Variants in JAK1 observed in about 807,000 individuals in gnomAD.
The protein encoded by JAK1 is Janus kinase 1.
JAK1 carries 16 observed loss-of-function variants against 136.6 expected under a neutral mutation model. That is an observed-to-expected ratio of 0.12 (90% confidence interval 0.08 to 0.18). The LOEUF is 0.18. Ranked by LOEUF, JAK1 falls within the 10% of genes least tolerant of loss-of-function variation. The pLI, the probability that JAK1 is intolerant of heterozygous loss-of-function variation, is 1.00. For missense variants in JAK1, 859 were observed against 1,450.1 expected (o/e 0.59, Z 6.62); for synonymous variants, 492 against 519.5 (o/e 0.95, Z 0.72).
chr1:64,847,870 T>A (rs1436044970), intron 12 of JAK1, among the ~76,000 whole-genome samples, 195 bp from the exon 13 acceptor site: 2 of 152,074 alleles, frequency 1.3e-5, no homozygotes, highest in African/African-American at 4.8e-5. Context: ...TGGTGACATT[T>A]GCTGGGCCCC....
At chr1:64,924,586 G>T (rs749542772) in intron 1 of JAK1, among the ~76,000 whole-genome samples, 3 of 152,176 alleles carry the variant, frequency 2.0e-5, no homozygotes, top group Non-Finnish European at 4.4e-5. Flanking sequence ...ATCAACCTTA[G>T]AACTATGTGT....
intron 8 of JAK1, among the ~76,000 whole-genome samples, chr1:64,863,526 T>C (rs1471333718): frequency 7.5e-6 from 1 of 133,250 alleles, no homozygotes; most frequent in African/African-American, 3.2e-5. Context: ...AAAATTAATG[T>C]AAGTTTTTTG....
intron 1 of JAK1, among the ~76,000 whole-genome samples, chr1:65,045,169 G>A (rs1426220043): frequency 6.6e-6 from 1 of 152,200 alleles, no homozygotes; most frequent in African/African-American, 2.4e-5. Context: ...TACAGCTGGG[G>A]AGGAAGAAGG....
intron 1 of JAK1, among the ~76,000 whole-genome samples, chr1:64,898,461 TA>T (rs1645057831): frequency 6.6e-6 from 1 of 152,198 alleles, no homozygotes. Context: ...GGATAACTGA[TA>T]AAATTAAGGC....
intron 1 of JAK1, among the ~76,000 whole-genome samples, chr1:64,953,997 A>G (rs908445857): frequency 5.9e-5 from 9 of 152,140 alleles, no homozygotes; most frequent in Non-Finnish European, 8.8e-5. Context: ...TATATCTAAC[A>G]ATACCAAATA....
chr1:64,853,163 T>C lies in JAK1; in HGVS notation c.1649-2253A>G, dbSNP rs1243799251. The stretch of plus-strand genomic sequence containing the variant: ...GAACCCAACACAATATTCTCATGTC[T>C]AATTTTCACGATTTCCCCACTTCTC... On this transcript the variant is annotated intron_variant, in intron 11 of 24. Coordinates refer to ENST00000342505, the MANE Select transcript of JAK1 (RefSeq NM_002227.4). 3.3e-5 allele frequency among the ~76,000 whole-genome samples: 5 copies of C among 152,354 alleles called. No homozygotes were observed. The East Asian group carries it at 9.6e-4, about 29-fold the overall frequency.
At chr1:65,037,910 C>CTA (rs1160084402) in intron 2 of JAK1, among the ~76,000 whole-genome samples, 4 of 152,110 alleles carry the variant, frequency 2.6e-5, no homozygotes, top group Non-Finnish European at 1.5e-5. Context: ...AATAAAGTCT[C>CTA]TATAAAGTGG....
intron 1 of JAK1, among the ~76,000 whole-genome samples, chr1:64,893,766 A>C (rs1438955862): frequency 6.6e-6 from 1 of 152,212 alleles, no homozygotes; most frequent in East Asian, 1.9e-4. Context: ...ACTGCACCTA[A>C]CATAGCTCAT....
chr1:65,056,285 G>C (rs945586158), intron 1 of JAK1, among the ~76,000 whole-genome samples: 1 of 152,194 alleles, frequency 6.6e-6, no homozygotes, highest in African/African-American at 2.4e-5. Context: ...ACATGTGAAG[G>C]TACTGGGCTA....
intron 2 of JAK1, among the ~76,000 whole-genome samples, chr1:65,002,964 G>A (rs532489803): frequency 6.6e-6 from 1 of 152,178 alleles, no homozygotes; most frequent in Admixed American, 6.5e-5. Flanking sequence ...AGCGGGAACC[G>A]GGCTGTCCGG....
chr1:64,894,927 T>C (rs747861818), intron 1 of JAK1, among the ~76,000 whole-genome samples: 58 of 152,148 alleles, frequency 3.8e-4, no homozygotes, highest in Non-Finnish European at 7.5e-4. Context: ...AATCTTAAAC[T>C]GCTGGCAGAG....
At chr1:65,057,328 T>C (rs1647591722) in intron 1 of JAK1, among the ~76,000 whole-genome samples, 1 of 152,248 alleles carries the variant, frequency 6.6e-6, no homozygotes, top group African/African-American at 2.4e-5. Flanking sequence ...GGCAGAATCC[T>C]GGGTTCTCCA....
At chr1:65,004,431 G>A (rs1473723142) in intron 2 of JAK1, among the ~76,000 whole-genome samples, 1 of 152,204 alleles carries the variant, frequency 6.6e-6, no homozygotes, top group African/African-American at 2.4e-5. Flanking sequence ...GTGACCATCA[G>A]GGTTGATCTA....
chr1:64,913,849 A>G lies in JAK1; in HGVS notation c.-77-27508T>C, dbSNP rs562398686. Among the ~76,000 whole-genome samples the G allele has an allele frequency of 5.9e-5, 9 of 152,320 alleles. No homozygotes were observed. In the South Asian group the frequency reaches 1.9e-3, roughly 32 times the overall value. Reference sequence around the variant, plus strand: ...GGCTGGGATTTGCAGAAAAATAGATATTAAATAACAGAAATAGGTGGGACT... The same window carrying G: ...GGCTGGGATTTGCAGAAAAATAGATGTTAAATAACAGAAATAGGTGGGACT... On this transcript the variant is annotated intron_variant, in intron 1 of 24. Coordinates refer to ENST00000342505, the MANE Select transcript of JAK1 (RefSeq NM_002227.4).
chr1:64,913,855 T>A (rs972719442), intron 1 of JAK1, among the ~76,000 whole-genome samples: 22 of 152,232 alleles, frequency 1.4e-4, no homozygotes, highest in African/African-American at 5.3e-4. Flanking sequence ...AGATATTAAA[T>A]AACAGAAATA....
intron 2 of JAK1, among the ~76,000 whole-genome samples, chr1:64,981,276 T>C (rs938453865): frequency 6.6e-6 from 1 of 152,226 alleles, no homozygotes. Flanking sequence ...TCACACAGTA[T>C]TTATTGCCTA....
At chr1:64,904,159 T>C (rs943489538) in intron 1 of JAK1, among the ~76,000 whole-genome samples, 4 of 152,230 alleles carry the variant, frequency 2.6e-5, no homozygotes, top group African/African-American at 9.6e-5. Flanking sequence ...AATTTTTAAA[T>C]ATTGATTTAA....
At chr1:64,876,645 C>T (rs1424655999) in intron 4 of JAK1, among the ~76,000 whole-genome samples, 1 of 152,146 alleles carries the variant, frequency 6.6e-6, no homozygotes, top group Non-Finnish European at 1.5e-5. Flanking sequence ...ATTCCACACA[C>T]CTTTTTAAAA....
intron 2 of JAK1, among the ~76,000 whole-genome samples, chr1:64,986,749 G>A (rs1362600286): frequency 3.9e-5 from 6 of 151,978 alleles, no homozygotes; most frequent in Admixed American, 2.0e-4. Context: ...GGTGTTGCAT[G>A]CCTGTAGTCC....
Sources: gnomAD v4.1 joint callset for allele counts (sites outside exome capture counted in the v4.1 genomes callset) on GRCh38, gnomAD v4.1.1 for gene constraint, MANE v1.5 for transcripts, NCBI Gene and HGNC (gene_info 2026-07-23, HGNC 2026-07-21) for gene names.